Variants in ZNF71 observed in about 807,000 individuals in gnomAD.
The protein encoded by ZNF71 is endothelial zinc finger protein induced by tumor necrosis factor alpha.
ZNF71 carries 3 observed loss-of-function variants against 6.7 expected under a neutral mutation model. The observed-to-expected ratio is 0.45, with a 90% CI of 0.20 to 1.16. The LOEUF (loss-of-function observed/expected upper bound fraction) is 1.16. Among genes scored for constraint, ZNF71 ranks in the 50% most tolerant of loss-of-function variants. ZNF71 has a pLI of 0.25. For missense variants in ZNF71, 688 were observed against 728.6 expected, an observed-to-expected ratio of 0.94 and a Z score of 0.64; for synonymous variants, 343 against 311.1, an observed-to-expected ratio of 1.10 and a Z score of -1.08.
intron 3 of ZNF71, among the ~76,000 whole-genome samples, chr19:56,617,261 C>T (rs1568508141): frequency 1.3e-5 from 2 of 152,058 alleles, no homozygotes; most frequent in Non-Finnish European, 2.9e-5. Flanking sequence ...CAGGTGCCTG[C>T]CACCACACCC....
chr19:56,619,468 T>TA (rs1367082254), intron 3 of ZNF71, among the ~76,000 whole-genome samples: 1 of 152,206 alleles, frequency 6.6e-6, no homozygotes, highest in Non-Finnish European at 1.5e-5. Context: ...TTTGCTTTTT[T>TA]AAAAAATGTT....
At position 56,623,575 on chromosome 19, in the gene ZNF71, T is replaced by C. The variant is rs2044883607; in HGVS notation, c.*818T>C. Reference sequence around the variant, plus strand: ...AATATGCATGGATTCAATAAGTATATACATCTGAGCACAGATTATTTTTAT... The same window carrying C: ...AATATGCATGGATTCAATAAGTATACACATCTGAGCACAGATTATTTTTAT... On this transcript the variant is annotated 3_prime_UTR_variant, in exon 4 of 4. Coordinates refer to ENST00000599599, the MANE Select transcript of ZNF71 (RefSeq NM_001370215.1). The C allele has an allele frequency of 6.0e-6, 1 of 167,080 alleles. No homozygotes were observed. The highest frequency in any genetic ancestry group is 2.4e-5 in the African/African-American group (1 of 41,452). The allele number at this position is 167,080 out of a possible 1,614,324, so 10.3% of individuals were successfully genotyped here.
At chr19:56,595,853 T>TTGTGTGTGTGTTTG (rs1723731175) in intron 1 of ZNF71, among the ~76,000 whole-genome samples, 1 of 137,600 alleles carries the variant, frequency 7.3e-6, no homozygotes, top group African/African-American at 2.7e-5. Flanking sequence ...GTGTGTGTGT[T>TTGTGTGTGTGTTTG]TGTGTGTGTG....
intron 2 of ZNF71, among the ~76,000 whole-genome samples, chr19:56,608,400 G>A (rs1044871617): frequency 1.3e-5 from 2 of 151,976 alleles, no homozygotes; most frequent in South Asian, 2.1e-4. Context: ...GGCTTATTTC[G>A]CTGAGCATAA....
At chr19:56,611,910 A>T (rs1174901263) in intron 2 of ZNF71, among the ~76,000 whole-genome samples, 1 of 152,182 alleles carries the variant, frequency 6.6e-6, no homozygotes, top group Non-Finnish European at 1.5e-5. Context: ...GTGGCAGCAT[A>T]ACTCCATTCT....
chr19:56,617,654 C>G (rs1014040253), intron 3 of ZNF71, among the ~76,000 whole-genome samples: 5 of 152,198 alleles, frequency 3.3e-5, no homozygotes, highest in Admixed American at 1.3e-4. Context: ...ACTTCCTGCT[C>G]TTTTGCTGAC....
In ZNF71 at chr19:56,613,944, G is replaced by A; in HGVS notation, c.160+6G>A. On this transcript the variant is annotated splice_donor_region_variant and intron_variant, in intron 3 of 3. Transcript: ENST00000599599. The surrounding 1 kb of genome is among the most constrained non-coding windows in gnomAD (Gnocchi z 4.6). ...CAGGAACCTGGTCTCACTGGGTAAGGGGCAGCTTCGTTGAGTTACTCATCA... is the reference window on the plus strand; with the variant it reads ...CAGGAACCTGGTCTCACTGGGTAAGAGGCAGCTTCGTTGAGTTACTCATCA... 9 of 1,068,750 alleles carry A rather than the reference G, an allele frequency of 8.4e-6. No homozygotes were observed. In the Middle Eastern group the frequency reaches 2.5e-3, roughly 294 times the overall value. 66.2% of individuals were successfully genotyped at this position (1,068,750 alleles called of 1,614,324 possible).
intron 1 of ZNF71, 94 bp from the exon 2 acceptor site, chr19:56,601,413 G>T: frequency 4.0e-6 from 1 of 251,672 alleles, no homozygotes; most frequent in Non-Finnish European, 5.8e-6. Context: ...GTCTCTGCTT[G>T]TCTCTCAGTG....
chr19:56,616,001 G>A (rs2044788456), intron 3 of ZNF71, among the ~76,000 whole-genome samples: 1 of 152,146 alleles, frequency 6.6e-6, no homozygotes, highest in African/African-American at 2.4e-5. Context: ...TCCTTTGCAT[G>A]TGAATATCCA....
At chr19:56,607,136 ATT>A (rs2044716160) in intron 2 of ZNF71, among the ~76,000 whole-genome samples, 3 of 152,230 alleles carry the variant, frequency 2.0e-5, no homozygotes, top group African/African-American at 2.4e-5. Context: ...CTAAACAGGA[ATT>A]CTAGATCAAT....
Position 56,595,444 on chromosome 19 carries a change from G to T in ZNF71, c.-53+16G>T, listed in dbSNP as rs1484379464. ...GCAGGCCCAGGTACGGGGAGTGCAG[G>T]GCTGGGTGCTGGTCCAGGGCGTGCG... On this transcript the variant is annotated intron_variant, in intron 1 of 3. Coordinates refer to ENST00000599599, the MANE Select transcript of ZNF71 (RefSeq NM_001370215.1). 1 of 156,268 alleles carries T rather than the reference G, an allele frequency of 6.4e-6. No homozygotes were observed. Among genetic ancestry groups the T allele is most frequent in the African/African-American group, 2.4e-5 (1 of 41,490 alleles). The allele number at this position is 156,268 out of a possible 1,614,324, so 9.7% of individuals were successfully genotyped here.
At position 56,622,398 on chromosome 19, in the gene ZNF71, C is replaced by T. The variant is rs1281506495; in HGVS notation, c.1291C>T (p.Gln431Ter). ...KAFSKNSSLTQHQRIHTGEKP... is the reference protein window; with the variant it reads ...KAFSKNSSLT ...CTTCAGCAAGAACTCCTCGCTCACG[C>T]AGCACCAGCGCATCCACACCGGCGA... The change falls in exon 4 of 4, where the codon CAG (glutamine) becomes TAG (stop). Residue 431 changes from glutamine to a stop codon, truncating the protein, a stop_gained. Coordinates refer to ENST00000599599, the MANE Select transcript of ZNF71 (RefSeq NM_001370215.1). LOFTEE classifies it low-confidence loss of function (END_TRUNC). 1.2e-6 allele frequency: 2 copies of T among 1,612,394 alleles called. No homozygotes were observed. The highest frequency in any genetic ancestry group is 1.7e-6 in the Non-Finnish European group (2 of 1,179,552).
Position 56,622,365 on chromosome 19 carries a change from G to A in ZNF71, c.1258G>A (p.Gly420Ser). The change falls in exon 4 of 4, where the codon GGC becomes AGC. Residue 420 changes from glycine to serine, a missense_variant. By Grantham distance (56) the Gly-to-Ser change is moderately conservative (BLOSUM62 0). Coordinates refer to ENST00000599599, the MANE Select transcript of ZNF71 (RefSeq NM_001370215.1). ...GAAGCCGTTCGAGTGCAGCGAGTGC[G>A]GCAAGGCCTTCAGCAAGAACTCCTC... ...GVKPFECSECGKAFSKNSSLT... is the reference protein window; with the variant it reads ...GVKPFECSECSKAFSKNSSLT... The A allele has an allele frequency of 6.2e-7, 1 of 1,613,148 alleles. No homozygotes were observed. The highest frequency in any genetic ancestry group is 1.7e-5 in the Admixed American group (1 of 59,968).
At chr19:56,609,754 T>C (rs2044736755) in intron 2 of ZNF71, among the ~76,000 whole-genome samples, 1 of 150,464 alleles carries the variant, frequency 6.6e-6, no homozygotes, top group Admixed American at 6.6e-5. Flanking sequence ...TCCCGGACGT[T>C]GCATATAAAT....
At chr19:56,612,773 T>C (rs2044761561) in intron 2 of ZNF71, among the ~76,000 whole-genome samples, 1 of 152,160 alleles carries the variant, frequency 6.6e-6, no homozygotes, top group African/African-American at 2.4e-5. Flanking sequence ...CCTAAAGCTA[T>C]TGAGATTTTA....
At chr19:56,612,223 A>C (rs1016529656) in intron 2 of ZNF71, among the ~76,000 whole-genome samples, 1 of 152,230 alleles carries the variant, frequency 6.6e-6, no homozygotes, top group Admixed American at 6.5e-5. Context: ...ATAAGTATTT[A>C]TATCAAAAAG....
At chr19:56,610,486 G>A (rs1303970375) in intron 2 of ZNF71, 1 of 152,036 alleles carries the variant, frequency 6.6e-6, no homozygotes, top group East Asian at 1.9e-4. Context: ...GTATTCCACT[G>A]TGGTGGATTC....
In ZNF71 at chr19:56,621,796, G is replaced by C. The variant is rs1208403003; in HGVS notation, c.689G>C (p.Arg230Pro). 6.2e-7 allele frequency: 1 copy of C among 1,613,928 alleles called. No individual in the cohort carries two copies. The change falls in exon 4 of 4, where the codon CGC becomes CCC. Residue 230 changes from arginine to proline, a missense_variant. Coordinates refer to ENST00000599599, the MANE Select transcript of ZNF71 (RefSeq NM_001370215.1). ...ACCTGTGGGAAGCACTTCATCGAGC[G>C]CTCGTCCCTCACCATCCACCAGCGG... ...CDTCGKHFIE[R>P]SSLTIHQRVH... is the part of the protein sequence containing the mutation.
intron 2 of ZNF71, chr19:56,610,149 A>C (rs1600590403): frequency 6.6e-6 from 1 of 152,246 alleles, no homozygotes; most frequent in Non-Finnish European, 1.5e-5. Flanking sequence ...ATATCTACCA[A>C]GAATGGAAGT....
Sources: gnomAD v4.1 joint callset for allele counts (sites outside exome capture counted in the v4.1 genomes callset) on GRCh38, gnomAD v4.1.1 for gene constraint, Gnocchi (gnomAD v3.1) non-coding constraint, MANE v1.5 for transcripts, NCBI Gene and HGNC (gene_info 2026-07-23, HGNC 2026-07-21) for gene names.